FILIP1: variants seen among roughly 807,000 people sequenced by gnomAD.
The protein encoded by FILIP1 is filamin-A-interacting protein 1.
Under a neutral mutation model 102.1 loss-of-function variants are expected in FILIP1, and 61 were observed. The ratio of observed to expected loss-of-function variants is 0.60; its 90% CI spans 0.49 to 0.74. FILIP1 has a LOEUF of 0.74. Ranked by LOEUF, FILIP1 falls within the 30% of genes least tolerant of loss-of-function variation. The pLI is 0.00. For synonymous variants in FILIP1, 491 were observed against 526.9 expected (o/e 0.93, Z 0.93); for missense variants, 1,314 against 1,441.2 (o/e 0.91, Z 1.43).
chr6:75,375,357 T>A (rs776010225), intron 2 of FILIP1, among the ~76,000 whole-genome samples: 2 of 152,156 alleles, frequency 1.3e-5, no homozygotes, highest in African/African-American at 2.4e-5. Flanking sequence ...ACAACTGGCA[T>A]AAACAGAAGA....
chr6:75,312,601 C>A lies in FILIP1; in HGVS notation c.3231G>T (p.Arg1077=). 3 of 1,614,170 alleles carry A rather than the reference C, an allele frequency of 1.9e-6. No individual in the cohort carries two copies. The highest frequency in any genetic ancestry group is 2.5e-6 in the Non-Finnish European group (3 of 1,180,026). Residue 1077 remains arginine, a synonymous_variant, in exon 5 of 6, where the codon CGG becomes CGT. Transcript: ENST00000237172. ...IHIHLGSQFK[R]SPGTSGEGVS... is the part of the protein sequence containing the mutation. ...CTCCTTCACCTGAAGTCCCAGGGGA[C>A]CGTTTAAACTGAGACCCTAAGTGAA...
intron 2 of FILIP1, among the ~76,000 whole-genome samples, chr6:75,387,031 C>T (rs137899188): frequency 6.6e-6 from 1 of 152,150 alleles, no homozygotes; most frequent in Non-Finnish European, 1.5e-5. Context: ...CCCCCACCCA[C>T]CAACAGGCCC....
intron 2 of FILIP1, among the ~76,000 whole-genome samples, chr6:75,410,136 C>T (rs1207753201): frequency 2.0e-5 from 3 of 152,152 alleles, no homozygotes; most frequent in African/African-American, 7.2e-5. Flanking sequence ...CAGAACACCA[C>T]CTCCAGAGTA....
intron 4 of FILIP1, among the ~76,000 whole-genome samples, chr6:75,330,025 G>C (rs1414881546): frequency 1.3e-5 from 2 of 152,124 alleles, no homozygotes; most frequent in Non-Finnish European, 2.9e-5. Context: ...AATATACTGT[G>C]CAGGGCTGGG....
rs777090787 is a variant in FILIP1 at position 75,312,407 on chromosome 6, G to C, written c.3425C>G (p.Thr1142Ser). ...GCCTCTTCTACTCACCACTGACTGG[G>C]TTCCTCGAGCAGATGACGTTGTGAC... ...TPVTTSSARGTQSVSGQDGSS... is the reference protein window; with the variant it reads ...TPVTTSSARGSQSVSGQDGSS... The change falls in exon 5 of 6, where the codon ACC becomes AGC. Residue 1142 changes from threonine to serine, a missense_variant. Coordinates refer to ENST00000237172, the MANE Select transcript of FILIP1 (RefSeq NM_015687.5). 7 of 1,613,274 alleles carry C rather than the reference G, an allele frequency of 4.3e-6. No homozygotes were observed. The highest frequency in any genetic ancestry group is 2.7e-5 in the African/African-American group (2 of 74,914).
chr6:75,430,260 C>T (rs1402300052), intron 1 of FILIP1, among the ~76,000 whole-genome samples: 2 of 152,174 alleles, frequency 1.3e-5, no homozygotes, highest in Admixed American at 6.5e-5. Context: ...AACTGTGAAT[C>T]AATTAAACCT....
chr6:75,293,850 T>C (rs1185625362), exon 7 of FILIP1: 2 of 152,102 alleles, frequency 1.3e-5, no homozygotes, highest in Non-Finnish European at 2.9e-5. Flanking sequence ...AGTCAAAAAA[T>C]ATAACAGTAC....
intron 1 of FILIP1, among the ~76,000 whole-genome samples, chr6:75,487,029 T>C (rs979711406): frequency 6.6e-5 from 10 of 152,062 alleles, no homozygotes; most frequent in African/African-American, 2.4e-4. Context: ...CAACAGGCTA[T>C]GGCCAAACCA....
chr6:75,441,712 AC>A (rs1211033227), intron 1 of FILIP1, among the ~76,000 whole-genome samples: 4 of 125,180 alleles, frequency 3.2e-5, no homozygotes, highest in South Asian at 5.5e-4. Flanking sequence ...CGGGGGACTG[AC>A]CCCCCCACCT....
downstream of FILIP1, among the ~76,000 whole-genome samples, chr6:75,306,541 GTGAA>G (rs1772991953): frequency 2.0e-5 from 3 of 152,184 alleles, no homozygotes; most frequent in Non-Finnish European, 4.4e-5. Context: ...AGTAAAAACA[GTGAA>G]TGTCTTCATT....
At chr6:75,468,497 G>A (rs1049634251) in intron 1 of FILIP1, among the ~76,000 whole-genome samples, 7 of 152,116 alleles carry the variant, frequency 4.6e-5, no homozygotes, top group South Asian at 2.1e-4. Context: ...TAGAATACTC[G>A]ACAAGCAGGT....
intron 4 of FILIP1, among the ~76,000 whole-genome samples, chr6:75,331,103 A>G (rs975909542): frequency 2.0e-5 from 3 of 152,224 alleles, no homozygotes; most frequent in Non-Finnish European, 2.9e-5. Context: ...CAGCTAGACT[A>G]TATTGTAAAA....
At chr6:75,491,336 T>C (rs1562675983) in intron 1 of FILIP1, among the ~76,000 whole-genome samples, 1 of 152,132 alleles carries the variant, frequency 6.6e-6, no homozygotes, top group Non-Finnish European at 1.5e-5. Context: ...TGTTGAGTCA[T>C]GGTATTGAGA....
chr6:75,433,397 T>C (rs1272826779), intron 1 of FILIP1, among the ~76,000 whole-genome samples: 6 of 152,208 alleles, frequency 3.9e-5, no homozygotes, highest in African/African-American at 1.4e-4. Context: ...TATCTCACTG[T>C]GGTTTTGATT....
chr6:75,482,188 A>G (rs1341156141), intron 1 of FILIP1, among the ~76,000 whole-genome samples: 1 of 152,186 alleles, frequency 6.6e-6, no homozygotes, highest in East Asian at 1.9e-4. Flanking sequence ...GTGAATGGTG[A>G]TGTAAATAAT....
intron 2 of FILIP1, among the ~76,000 whole-genome samples, chr6:75,396,554 C>T (rs1776466803): frequency 6.6e-6 from 1 of 152,124 alleles, no homozygotes. Context: ...TCCACTATCT[C>T]GTGATGGTAG....
intron 2 of FILIP1, among the ~76,000 whole-genome samples, chr6:75,411,508 A>T (rs1474259008): frequency 1.3e-5 from 2 of 152,146 alleles, no homozygotes; most frequent in African/African-American, 4.8e-5. Context: ...TATGTCCTGA[A>T]TGGTATTGCC....
intron 3 of FILIP1, chr6:75,358,490 TGAG>T (rs1775075637): frequency 6.6e-6 from 1 of 152,144 alleles, no homozygotes; most frequent in Non-Finnish European, 1.5e-5. Context: ...AGGAAGGCAT[TGAG>T]GAGGACACTG....
intron 4 of FILIP1, among the ~76,000 whole-genome samples, chr6:75,339,796 C>G (rs572302299): frequency 6.6e-6 from 1 of 151,944 alleles, no homozygotes; most frequent in South Asian, 2.1e-4. Context: ...AAAAATACAC[C>G]ATTTAGCCAG....
Sources: allele counts gnomAD v4.1 joint callset (sites outside exome capture counted in the v4.1 genomes callset), GRCh38; gene constraint gnomAD v4.1.1; transcripts MANE v1.5; gene names NCBI Gene and HGNC (gene_info 2026-07-23, HGNC 2026-07-21).